PTBP2: variants seen among roughly 807,000 people sequenced by gnomAD.
PTBP2 encodes the protein polypyrimidine tract-binding protein 2.
PTBP2 carries 13 observed loss-of-function variants against 61.4 expected under a neutral mutation model. The observed-to-expected ratio is 0.21, with a 90% confidence interval of 0.14 to 0.34. The LOEUF (loss-of-function observed/expected upper bound fraction) is 0.34, where lower values mean the gene tolerates loss of function less well. Among genes scored for constraint, PTBP2 ranks in the 10% least tolerant of loss-of-function variants. PTBP2 has a pLI of 1.00. For synonymous variants in PTBP2, 215 were observed against 218.5 expected, an observed-to-expected ratio of 0.98 and a Z score of 0.14; for missense variants, 405 against 642.6, an observed-to-expected ratio of 0.63 and a Z score of 4.00.
intron 3 of PTBP2, among the ~76,000 whole-genome samples, chr1:96,756,802 G>C (rs1655209863): frequency 6.6e-6 from 1 of 152,152 alleles, no homozygotes. Context: ...TGAACTGGTG[G>C]AGTACAGAGG....
intron 3 of PTBP2, among the ~76,000 whole-genome samples, chr1:96,768,968 T>C (rs1657068021): frequency 6.6e-6 from 1 of 152,054 alleles, no homozygotes; most frequent in African/African-American, 2.4e-5. Context: ...AAAATTATAA[T>C]CTTCCTAATT....
chr1:96,768,566 T>A (rs1346693655), intron 3 of PTBP2, among the ~76,000 whole-genome samples: 1 of 152,026 alleles, frequency 6.6e-6, no homozygotes, highest in East Asian at 1.9e-4. Flanking sequence ...TAAGAACCAT[T>A]GATCTGGCAT....
intron 2 of PTBP2, among the ~76,000 whole-genome samples, chr1:96,742,169 G>A (rs1472841692): frequency 6.6e-6 from 1 of 152,050 alleles, no homozygotes; most frequent in Non-Finnish European, 1.5e-5. Context: ...AAATAAAATG[G>A]CAATTTTTTT....
At chr1:96,806,553 AT>A in intron 10 of PTBP2, 101 bp downstream of exon 10, 6 of 1,294,292 alleles carry the variant, frequency 4.6e-6, no homozygotes, top group Non-Finnish European at 6.6e-6. Flanking sequence ...TGAATAGTAA[AT>A]CTTTTGCTAT....
chr1:96,781,222 A>G (rs1658630342), intron 7 of PTBP2, among the ~76,000 whole-genome samples: 1 of 151,866 alleles, frequency 6.6e-6, no homozygotes, highest in Admixed American at 6.6e-5. Flanking sequence ...TCATATCTCC[A>G]CTTCCTTGGC....
chr1:96,773,123 CAAA>C (rs563241972), intron 5 of PTBP2, among the ~76,000 whole-genome samples: 30 of 88,262 alleles, frequency 3.4e-4, no homozygotes, highest in East Asian at 6.3e-4. Flanking sequence ...GACTCTATCT[CAAA>C]AAAAAAAAAA....
intron 8 of PTBP2, among the ~76,000 whole-genome samples, chr1:96,785,583 T>C (rs1659127253): frequency 6.6e-6 from 1 of 152,214 alleles, no homozygotes; most frequent in South Asian, 2.1e-4. Flanking sequence ...AAACTTGATG[T>C]CACTATGCCT....
At chr1:96,758,671 A>G (rs759064808) in intron 3 of PTBP2, among the ~76,000 whole-genome samples, 6 of 152,106 alleles carry the variant, frequency 3.9e-5, no homozygotes, top group Non-Finnish European at 5.9e-5. Context: ...AGCTTTTACA[A>G]TGTAAATAAG....
chr1:96,737,144 T>A (rs1557692015), intron 2 of PTBP2, among the ~76,000 whole-genome samples: 1 of 152,080 alleles, frequency 6.6e-6, no homozygotes, highest in Non-Finnish European at 1.5e-5. Context: ...CACACCCGGC[T>A]AATTTTTTGT....
Position 96,734,574 on chromosome 1 carries a change from T to C in PTBP2, c.39+10980T>C, listed in dbSNP as rs562492030. ...AATGTACAAGCTCTCCGTTCCTGTT[T>C]TTTGTTTTTTTTTTAAGTTGCATTT... On this transcript the variant is annotated intron_variant, in intron 2 of 13. Coordinates refer to ENST00000674951, the MANE Select transcript of PTBP2 (RefSeq NM_021190.4). Among the ~76,000 whole-genome samples the C allele has an allele frequency of 2.0e-5, 3 of 151,928 alleles. 1 individual carries two copies. In the South Asian group the frequency reaches 6.2e-4, roughly 32 times the overall value.
chr1:96,814,852 G>T lies in PTBP2; in HGVS notation c.*1447G>T, dbSNP rs1236105916. The T allele has an allele frequency of 6.6e-6, 1 of 152,448 alleles. No homozygotes were observed. Among genetic ancestry groups the T allele is most frequent in the African/African-American group, 2.4e-5 (1 of 41,436 alleles). 9.4% of individuals were successfully genotyped at this position (152,448 alleles called of 1,614,324 possible). A position where few individuals can be genotyped will look rare whatever the true frequency, so the allele number is the denominator to read the frequency against. On this transcript the variant is annotated 3_prime_UTR_variant, in exon 14 of 14. Coordinates refer to ENST00000674951, the MANE Select transcript of PTBP2 (RefSeq NM_021190.4). ...TGTGTGTACTCTGCTTACCCCTGTA[G>T]CATGCTCAATAAACACTTCTGTAGC...
chr1:96,749,544 G>A, intron 2 of PTBP2: 1 of 417,024 alleles, frequency 2.4e-6, no homozygotes, highest in South Asian at 1.7e-5. Flanking sequence ...ATCTGATCTG[G>A]ACTTCTGTGG....
chr1:96,773,969 A>AG (rs1305021569), intron 5 of PTBP2, among the ~76,000 whole-genome samples: 2 of 151,498 alleles, frequency 1.3e-5, no homozygotes, highest in Non-Finnish European at 2.9e-5. Context: ...TCTCAAAAAA[A>AG]AAAAAAAAAA....
chr1:96,777,945 T>C lies in PTBP2; in HGVS notation c.707T>C (p.Leu236Pro), dbSNP rs1658212429. 1 of 1,513,998 alleles carries C rather than the reference T, an allele frequency of 6.6e-7. No individual in the cohort carries two copies. 93.8% of individuals were successfully genotyped at this position (1,513,998 alleles called of 1,614,324 possible). A position where few individuals can be genotyped will look rare whatever the true frequency, so the allele number is the denominator to read the frequency against. ...CCAGTAAATGCTCAACAAGCAAAAC[T>C]AGTAAGTCTTTCTTTTGAGATGGTG... ...GDPVNAQQAK[L>P]ALDGQNIYNA... Residue 236 changes from leucine (L) to proline (P), a missense_variant and splice_region_variant, in exon 7 of 14, where the codon CTA (leucine) becomes CCA (proline). Physicochemically the swap from Leu to Pro is moderately conservative, Grantham distance 98 (BLOSUM62 -3). This residue lies in a region of PTBP2 where 342 missense variants were observed against 491.2 expected (regional missense o/e 0.70). Transcript: ENST00000674951.
At chr1:96,763,714 T>C (rs759673781) in intron 3 of PTBP2, among the ~76,000 whole-genome samples, 13 of 152,228 alleles carry the variant, frequency 8.5e-5, no homozygotes, top group Non-Finnish European at 1.8e-4. Context: ...CTTTTTGTAA[T>C]GATGGCATAA....
At chr1:96,791,735 C>T (rs1283718613) in intron 8 of PTBP2, among the ~76,000 whole-genome samples, 2 of 151,758 alleles carry the variant, frequency 1.3e-5, no homozygotes, top group East Asian at 1.9e-4. Flanking sequence ...TAGATAGATG[C>T]CTTTGCAATA....
intron 2 of PTBP2, among the ~76,000 whole-genome samples, chr1:96,742,662 CT>C (rs373120041): frequency 0.075 from 8,947 of 119,940 alleles, 259 homozygotes; most frequent in African/African-American, 0.11. Flanking sequence ...ATAGCTTTGG[CT>C]TTTTTTTTTT....
chr1:96,751,525 T>C, intron 3 of PTBP2, 25 bp downstream of exon 3: 1 of 1,564,340 alleles, frequency 6.4e-7, no homozygotes, highest in Non-Finnish European at 8.8e-7. Flanking sequence ...CTTAGCAGTC[T>C]GTCATTTGCC....
chr1:96,762,837 G>T (rs1042030779), intron 3 of PTBP2, among the ~76,000 whole-genome samples: 3 of 151,414 alleles, frequency 2.0e-5, no homozygotes, highest in African/African-American at 7.3e-5. Flanking sequence ...CGGCTGCTGG[G>T]CGGAGGGACT....
Sources: gnomAD v4.1 joint callset for allele counts (sites outside exome capture counted in the v4.1 genomes callset) on GRCh38, gnomAD v4.1.1 for gene constraint, gnomAD v4.1.1 regional missense constraint, MANE v1.5 for transcripts, NCBI Gene and HGNC (gene_info 2026-07-23, HGNC 2026-07-21) for gene names.